Variants in CDH12 observed in about 807,000 individuals in gnomAD.
The protein encoded by CDH12 is cadherin 12.
In CDH12, 41 loss-of-function variants were observed where a neutral mutation model predicts 74.1. The observed-to-expected ratio is 0.55, with a 90% CI of 0.43 to 0.72. The LOEUF is 0.72. Ranked by LOEUF, CDH12 falls within the 30% of genes least tolerant of loss-of-function variation. The pLI is 0.00. For missense variants in CDH12, 945 were observed against 977.2 expected, an observed-to-expected ratio of 0.97 and a Z score of 0.44; for synonymous variants, 399 against 355.0, an observed-to-expected ratio of 1.12 and a Z score of -1.39.
At chr5:22,792,086 C>CTTTT (rs757562010) in intron 1 of CDH12, among the ~76,000 whole-genome samples, 2 of 125,392 alleles carry the variant, frequency 1.6e-5, no homozygotes, top group African/African-American at 3.0e-5. Context: ...TGAACTAGGG[C>CTTTT]TTTTTTTTTT....
intron 1 of CDH12, among the ~76,000 whole-genome samples, chr5:22,769,126 G>C (rs1201675659): frequency 1.3e-5 from 2 of 152,102 alleles, no homozygotes; most frequent in African/African-American, 4.8e-5. Context: ...ATTGAATTGA[G>C]GGATGCCTAG....
At chr5:22,308,809 A>AACACATACACACACAC (rs1554030189) in intron 3 of CDH12, among the ~76,000 whole-genome samples, 3 of 85,300 alleles carry the variant, frequency 3.5e-5, no homozygotes, top group Non-Finnish European at 5.1e-5. Flanking sequence ...CAAATACACA[A>AACACATACACACACAC]ACACACACAC....
At chr5:21,833,124 ATT>A (rs1491192771) in intron 8 of CDH12, among the ~76,000 whole-genome samples, 1 of 70,874 alleles carries the variant, frequency 1.4e-5, no homozygotes, top group Non-Finnish European at 2.4e-5. Flanking sequence ...TATAATATAT[ATT>A]ATATTATAAA....
At chr5:22,589,824 T>C (rs1740590708) in intron 1 of CDH12, among the ~76,000 whole-genome samples, 1 of 152,172 alleles carries the variant, frequency 6.6e-6, no homozygotes, top group Admixed American at 6.5e-5. Context: ...CATCCTAGAG[T>C]ATTTTATGTC....
At chr5:21,796,527 A>T (rs1188426837) in intron 10 of CDH12, among the ~76,000 whole-genome samples, 2 of 152,090 alleles carry the variant, frequency 1.3e-5, no homozygotes, top group Non-Finnish European at 2.9e-5. Context: ...TTGCACTATT[A>T]ACCACTGTAA....
intron 1 of CDH12, among the ~76,000 whole-genome samples, chr5:22,745,238 G>A (rs772214704): frequency 6.6e-6 from 1 of 151,876 alleles, no homozygotes; most frequent in Non-Finnish European, 1.5e-5. Flanking sequence ...CAATCAAAGA[G>A]TTAGGCAAAT....
chr5:22,592,827 C>T (rs1736410039), intron 1 of CDH12, among the ~76,000 whole-genome samples: 1 of 151,712 alleles, frequency 6.6e-6, no homozygotes, highest in Non-Finnish European at 1.5e-5. Flanking sequence ...ATCAGGTGTT[C>T]ACGACCAGCC....
At chr5:22,699,922 C>T (rs895537963) in intron 1 of CDH12, among the ~76,000 whole-genome samples, 3 of 152,146 alleles carry the variant, frequency 2.0e-5, no homozygotes, top group African/African-American at 4.8e-5. Context: ...CACCTGTAAT[C>T]CCAGCACTTT....
chr5:22,499,022 G>T, intron 2 of CDH12, among the ~76,000 whole-genome samples: 1 of 148,132 alleles, frequency 6.8e-6, no homozygotes, highest in African/African-American at 2.5e-5. Flanking sequence ...TCCTGCCTCA[G>T]CCTCTCAAGT....
intron 1 of CDH12, among the ~76,000 whole-genome samples, chr5:22,684,455 G>A (rs1156502239): frequency 6.6e-6 from 1 of 152,148 alleles, no homozygotes; most frequent in Non-Finnish European, 1.5e-5. Context: ...GAGTTAAAAG[G>A]TGAGGATCTA....
chr5:22,327,994 G>A (rs867373730), intron 3 of CDH12, among the ~76,000 whole-genome samples: 3 of 152,142 alleles, frequency 2.0e-5, no homozygotes, highest in Admixed American at 2.0e-4. Context: ...ATGATAAAGC[G>A]TGAGTGTGTA....
chr5:22,085,017 A>G (rs2150231802), intron 4 of CDH12, among the ~76,000 whole-genome samples: 1 of 152,310 alleles, frequency 6.6e-6, no homozygotes, highest in Non-Finnish European at 1.5e-5. Context: ...CATCACCAGA[A>G]GTAGGTTGTA....
chr5:22,252,631 T>C (rs1753174113), intron 3 of CDH12, among the ~76,000 whole-genome samples: 1 of 152,082 alleles, frequency 6.6e-6, no homozygotes, highest in African/African-American at 2.4e-5. Context: ...CTTTCTCAAA[T>C]TGCACCAAAG....
intron 5 of CDH12, among the ~76,000 whole-genome samples, chr5:22,037,490 A>T (rs1460990859): frequency 6.6e-6 from 1 of 152,152 alleles, no homozygotes; most frequent in Admixed American, 6.5e-5. Flanking sequence ...AAATCCCTCC[A>T]AGAGGCCCCA....
intron 7 of CDH12, among the ~76,000 whole-genome samples, chr5:21,851,367 A>T (rs189240103): frequency 5.8e-4 from 87 of 151,034 alleles, no homozygotes; most frequent in African/African-American, 2.0e-3. Flanking sequence ...CCTGATTTCA[A>T]TCACTGAATT....
intron 11 of CDH12, among the ~76,000 whole-genome samples, chr5:21,767,752 A>AT (rs1745106613): frequency 6.6e-6 from 1 of 151,512 alleles, no homozygotes; most frequent in African/African-American, 2.4e-5. Flanking sequence ...TCTATCATGT[A>AT]TTTTCAAAAC....
At chr5:22,158,582 C>A (rs542758813) in intron 4 of CDH12, among the ~76,000 whole-genome samples, 1 of 152,008 alleles carries the variant, frequency 6.6e-6, no homozygotes, top group East Asian at 1.9e-4. Flanking sequence ...AGAAATATCA[C>A]GGTGGTAATT....
chr5:22,518,628 T>C (rs1263676028), intron 1 of CDH12, among the ~76,000 whole-genome samples: 1 of 152,224 alleles, frequency 6.6e-6, no homozygotes, highest in Admixed American at 6.5e-5. Context: ...CCATGCCTTT[T>C]CTTGTACGAA....
chr5:22,003,808 C>T (rs2921482), intron 5 of CDH12, among the ~76,000 whole-genome samples: 8 of 61,218 alleles, frequency 1.3e-4, no homozygotes, highest in East Asian at 4.5e-4. Flanking sequence ...AAATGATCAG[C>T]AGGCCCCCGC....
Sources: allele counts gnomAD v4.1 joint callset (sites outside exome capture counted in the v4.1 genomes callset), GRCh38; gene constraint gnomAD v4.1.1; transcripts MANE v1.5; gene names NCBI Gene and HGNC (gene_info 2026-07-23, HGNC 2026-07-21).